Variants in ZNF510 observed in about 807,000 individuals in gnomAD.
ZNF510 encodes zinc finger protein 510.
In ZNF510, 15 loss-of-function variants were observed where a neutral mutation model predicts 18.1. That is an observed-to-expected ratio of 0.83 (90% CI 0.55 to 1.28). The LOEUF (loss-of-function observed/expected upper bound fraction) is 1.28. Ranked by LOEUF, ZNF510 falls within the 50% of genes most tolerant of loss-of-function variation. The pLI, the probability that ZNF510 is intolerant of heterozygous loss-of-function variation, is 0.00. For synonymous variants in ZNF510, 261 were observed against 266.4 expected, an observed-to-expected ratio of 0.98 and a Z score of 0.20; for missense variants, 724 against 791.8, an observed-to-expected ratio of 0.91 and a Z score of 1.03.
Position 96,759,101 on chromosome 9 carries a change from A to G in ZNF510, c.1729T>C (p.Cys577Arg), listed in dbSNP as rs750725655. Reference sequence around the variant, plus strand: ...GATGTCCGGGCAAAAGTTTTCCCACATTCGTTACATTTGAATGGTTTCTCT... The same window carrying G: ...GATGTCCGGGCAAAAGTTTTCCCACGTTCGTTACATTTGAATGGTTTCTCT... ...TGEKPFKCNECGKTFARTSTL... is the reference protein window; with the variant it reads ...TGEKPFKCNERGKTFARTSTL... Residue 577 changes from cysteine (C) to arginine (R), a missense_variant, in exon 6 of 6, where the codon TGT (cysteine) becomes CGT (arginine). Physicochemically the swap from Cys to Arg is radical, Grantham distance 180. Coordinates refer to ENST00000223428, the MANE Select transcript of ZNF510 (RefSeq NM_014930.3). 6.2e-7 allele frequency: 1 copy of G among 1,614,116 alleles called. No homozygotes were observed.
rs374149761 is a variant in ZNF510, at chr9:96,767,330, AAAAAC to A, written c.130-3703_130-3699del. ...GTGATAGAGCGAGACTCTGTCTCAA[AAAAAC>A]AAAACAAAACAAAACAAAACAAACC... On this transcript the variant is annotated intron_variant, in intron 3 of 5. Coordinates refer to ENST00000223428, the MANE Select transcript of ZNF510 (RefSeq NM_014930.3). Among the ~76,000 whole-genome samples, 376 of 152,282 alleles carry A rather than the reference AAAAAC, an allele frequency of 2.5e-3. 1 individual carries two copies. The highest frequency in any genetic ancestry group is 6.7e-3 in the African/African-American group (280 of 41,542).
In ZNF510 at chr9:96,758,113, T is replaced by C. The variant is rs1364715670; in HGVS notation, c.*665A>G. ...TAATGGAAATTGCGTAAAGTGAAAA[T>C]ACAGATAAGGGGGGACTACTGTATA... On this transcript the variant is annotated 3_prime_UTR_variant, in exon 6 of 6. Transcript: ENST00000223428. The C allele has an allele frequency of 1.3e-5, 2 of 152,316 alleles. No individual in the cohort carries two copies. Among genetic ancestry groups the C allele is most frequent in the Non-Finnish European group, 2.9e-5 (2 of 68,028 alleles). The allele number at this position is 152,316 out of a possible 1,614,324, so 9.4% of individuals were successfully genotyped here. A position where few individuals can be genotyped will look rare whatever the true frequency, so the allele number is the denominator to read the frequency against.
Position 96,757,377 on chromosome 9 carries a change from G to GT in ZNF510, c.*1400dup, listed in dbSNP as rs1849221235. On this transcript the variant is annotated 3_prime_UTR_variant, in exon 6 of 6. Coordinates refer to ENST00000223428, the MANE Select transcript of ZNF510 (RefSeq NM_014930.3). ...GACTTTTAGGTTCATGCAAAGCCCT[G>GT]TATCAGGTGGTACTATCAATTTCAT... 6.6e-6 allele frequency: 1 copy of GT among 152,160 alleles called. No individual in the cohort carries two copies. Among genetic ancestry groups the GT allele is most frequent in the South Asian group, 2.1e-4 (1 of 4,832 alleles). The allele number at this position is 152,160 out of a possible 1,614,324, so 9.4% of individuals were successfully genotyped here.
At chr9:96,766,446 A>C (rs1849474920) in intron 3 of ZNF510, among the ~76,000 whole-genome samples, 1 of 150,024 alleles carries the variant, frequency 6.7e-6, no homozygotes, top group Admixed American at 6.7e-5. Flanking sequence ...TGTATTATCT[A>C]TGGCTGCTTA....
intron 3 of ZNF510, among the ~76,000 whole-genome samples, chr9:96,771,594 T>C (rs758465008): frequency 1.2e-4 from 19 of 152,116 alleles, no homozygotes; most frequent in Admixed American, 1.2e-3. Context: ...TCACCATTTG[T>C]ACTAAACATT....
chr9:96,763,160 G>C lies in ZNF510; in HGVS notation c.310C>G (p.Pro104Ala). ...GAGAATTCCTCCTCTGAGAACCAAGGCTCCTCTCCTTGCTCCAACTTGAAG... is the reference window on the plus strand; with the variant it reads ...GAGAATTCCTCCTCTGAGAACCAAGCCTCCTCTCCTTGCTCCAACTTGAAG... ...VIFKLEQGEE[P>A]WFSEEEFSNQ... Residue 104 changes from proline to alanine, a missense_variant, in exon 5 of 6, where the codon CCT becomes GCT. Transcript: ENST00000223428. 1 of 1,614,014 alleles carries C rather than the reference G, an allele frequency of 6.2e-7. No individual in the cohort carries two copies. The highest frequency in any genetic ancestry group is 8.5e-7 in the Non-Finnish European group (1 of 1,179,986).
intron 3 of ZNF510, among the ~76,000 whole-genome samples, chr9:96,766,338 C>CTAT (rs1490713804): frequency 1.2e-3 from 157 of 135,534 alleles, no homozygotes; most frequent in African/African-American, 3.8e-3. Flanking sequence ...CTCACCACTA[C>CTAT]TATTTTTTTT....
In ZNF510 at chr9:96,776,559, G is replaced by A. The variant is rs547262218; in HGVS notation, c.-176-314C>T. On this transcript the variant is annotated intron_variant, in intron 1 of 5. Coordinates refer to ENST00000223428, the MANE Select transcript of ZNF510 (RefSeq NM_014930.3). The stretch of plus-strand genomic sequence containing the variant: ...GGAGGCCAAGGCAGGTGGATCACCT[G>A]AGGTCAGGAGTTCAAGATAAGCCTG... Among the ~76,000 whole-genome samples the A allele has an allele frequency of 7.9e-5, 12 of 152,320 alleles. No homozygotes were observed. In the South Asian group the frequency reaches 2.5e-3, roughly 32 times the overall value.
chr9:96,760,166 C>T lies in ZNF510; in HGVS notation c.664G>A (p.Gly222Arg), dbSNP rs373378697. The T allele has an allele frequency of 1.2e-6, 2 of 1,612,420 alleles. No homozygotes were observed. Among genetic ancestry groups the T allele is most frequent in the Non-Finnish European group, 1.7e-6 (2 of 1,179,342 alleles). ...TTATTATGTTCATAAAATTTCTCTC[C>T]AGTCTGAGTTTTCTCAAAGTTAATT... ...FKINFEKTQT[G>R]EKFYEHNKNM... The change falls in exon 6 of 6, where the codon GGA becomes AGA. Residue 222 changes from glycine (G) to arginine (R), a missense_variant. By Grantham distance (125) the Gly-to-Arg change is moderately radical. Transcript: ENST00000223428.
Position 96,758,800 on chromosome 9 carries a change from T to C in ZNF510, c.2030A>G (p.Gln677Arg). The C allele has an allele frequency of 6.3e-7, 1 of 1,588,496 alleles. No individual in the cohort carries two copies. ...ACATCAATAGGGATTCCCCTCTCCC[T>C]GAATTTTCTGGTATAAGCTTAGGGT... ...KSTLSLYQKI[Q>R]GEGNPY The change falls in exon 6 of 6, where the codon CAG becomes CGG. Residue 677 changes from glutamine to arginine, a missense_variant. By Grantham distance (43) the Gln-to-Arg change is conservative. Transcript: ENST00000223428.
In ZNF510 at chr9:96,760,380, T is replaced by G. The variant is rs1849316589; in HGVS notation, c.450A>C (p.Thr150=). 1 of 1,613,826 alleles carries G rather than the reference T, an allele frequency of 6.2e-7. No individual in the cohort carries two copies. ...GTTTCCCCAAAACTTTCTCTTCCTC[T>G]GTAGTCAATGTTTTATTATTGATAC... The part of the protein sequence containing the change: ...AICINNKTLT[T]EEEKVLGKPF... Residue 150 remains threonine, a synonymous_variant, in exon 6 of 6, where the codon ACA becomes ACC. Coordinates refer to ENST00000223428, the MANE Select transcript of ZNF510 (RefSeq NM_014930.3).
rs557586164 is a variant in ZNF510 at position 96,776,214 on chromosome 9, G to GTGGGACTCCTGTTCC, written c.-160_-146dup. 1.1e-4 allele frequency: 150 copies of GTGGGACTCCTGTTCC among 1,363,868 alleles called. No homozygotes were observed. Among genetic ancestry groups the GTGGGACTCCTGTTCC allele is most frequent in the Admixed American group, 3.5e-4 (11 of 31,152 alleles). 84.5% of individuals were successfully genotyped at this position (1,363,868 alleles called of 1,614,324 possible). ...TGTTCTGTCAGAGAGCAGTTCTTCG[G>GTGGGACTCCTGTTCC]TGGGACTCCTGTTCCTGGGGCTCCC... On this transcript the variant is annotated 5_prime_UTR_variant, in exon 2 of 6. Coordinates refer to ENST00000223428, the MANE Select transcript of ZNF510 (RefSeq NM_014930.3).
rs755272111 is a variant in ZNF510, at chr9:96,755,862, C to T, written c.*2916G>A. 3 of 152,098 alleles carry T rather than the reference C, an allele frequency of 2.0e-5. No homozygotes were observed. Among genetic ancestry groups the T allele is most frequent in the South Asian group, 2.1e-4 (1 of 4,814 alleles). 9.4% of individuals were successfully genotyped at this position (152,098 alleles called of 1,614,324 possible). ...TTATATCCAATGACATCAATGGAAG[C>T]GTCAGATAAAGAGACCTTTATTTTG... is the stretch of plus-strand genomic sequence containing the variant. On this transcript the variant is annotated 3_prime_UTR_variant, in exon 6 of 6. Transcript: ENST00000223428.
At chr9:96,767,623 A>G (rs7031150) in intron 3 of ZNF510, among the ~76,000 whole-genome samples, 9,030 of 152,268 alleles carry the variant, frequency 0.059, 880 homozygotes, top group African/African-American at 0.2. Flanking sequence ...TTACATAACC[A>G]AGATGAAGTG....
chr9:96,775,911 TC>T (rs1231111224), intron 2 of ZNF510, 88 bp downstream of exon 2: 7 of 1,515,578 alleles, frequency 4.6e-6, no homozygotes, highest in Admixed American at 4.1e-5. Context: ...GGTTATGCCT[TC>T]CTTGGAGACC....
chr9:96,771,767 G>A (rs1849589884), intron 3 of ZNF510, among the ~76,000 whole-genome samples: 1 of 151,804 alleles, frequency 6.6e-6, no homozygotes, highest in Admixed American at 6.6e-5. Flanking sequence ...AAAATGCCTA[G>A]GTATAAGATC....
chr9:96,767,406 A>T (rs1849498300), intron 3 of ZNF510, among the ~76,000 whole-genome samples: 1 of 152,184 alleles, frequency 6.6e-6, no homozygotes, highest in African/African-American at 2.4e-5. Context: ...ACTCACAATG[A>T]ATACACAAAA....
intron 3 of ZNF510, among the ~76,000 whole-genome samples, chr9:96,773,233 C>T (rs1849620432): frequency 6.6e-6 from 1 of 152,088 alleles, no homozygotes; most frequent in African/African-American, 2.4e-5. Flanking sequence ...CATGAATTTA[C>T]ATATGTAAAA....
chr9:96,765,111 A>G (rs762869843), intron 3 of ZNF510, among the ~76,000 whole-genome samples: 2 of 149,464 alleles, frequency 1.3e-5, no homozygotes, highest in Non-Finnish European at 3.0e-5. Flanking sequence ...AGATTCTTGT[A>G]TAAAAAACAA....
Sources: gnomAD v4.1 joint callset for allele counts (sites outside exome capture counted in the v4.1 genomes callset) on GRCh38, gnomAD v4.1.1 for gene constraint, MANE v1.5 for transcripts, NCBI Gene and HGNC (gene_info 2026-07-23, HGNC 2026-07-21) for gene names.